MOB3B: variants seen among roughly 807,000 people sequenced by gnomAD.
MOB3B encodes the protein MOB kinase activator-like 2B.
In MOB3B, 7 loss-of-function variants were observed where a neutral mutation model predicts 18.7. That is an observed-to-expected ratio of 0.37 (90% CI 0.21 to 0.70). The LOEUF is 0.70. Ranked by LOEUF, MOB3B falls within the 30% of genes least tolerant of loss-of-function variation. The probability of loss-of-function intolerance (pLI) is 0.52; values close to 1 mark genes in which losing one functional copy is unlikely to be tolerated. For missense variants in MOB3B, 253 were observed against 281.3 expected, an observed-to-expected ratio of 0.90 and a Z score of 0.72; for synonymous variants, 111 against 99.9, an observed-to-expected ratio of 1.11 and a Z score of -0.66.
At chr9:27,342,013 T>G (rs574708509) in intron 3 of MOB3B, among the ~76,000 whole-genome samples, 33 of 152,230 alleles carry the variant, frequency 2.2e-4, no homozygotes, top group Non-Finnish European at 3.8e-4. Flanking sequence ...CATATGATTA[T>G]TTTATGAAAT....
intron 2 of MOB3B, among the ~76,000 whole-genome samples, chr9:27,375,849 A>G (rs569186264): frequency 1.1e-4 from 16 of 152,262 alleles, no homozygotes; most frequent in Admixed American, 5.9e-4. Context: ...CTCTGAAAAA[A>G]CTTCTAATCT....
At chr9:27,457,473 G>A (rs1158882467) in intron 1 of MOB3B, among the ~76,000 whole-genome samples, 2 of 152,148 alleles carry the variant, frequency 1.3e-5, no homozygotes, top group African/African-American at 4.8e-5. Context: ...AGGGCTTGAT[G>A]GTACTTTCAA....
intron 1 of MOB3B, among the ~76,000 whole-genome samples, chr9:27,494,117 G>A (rs897565963): frequency 6.6e-6 from 1 of 152,156 alleles, no homozygotes; most frequent in Non-Finnish European, 1.5e-5. Flanking sequence ...GTGCTCCCAG[G>A]CTTATTAGGA....
Position 27,413,328 on chromosome 9 carries a change from T to C in MOB3B, c.418+41805A>G, listed in dbSNP as rs76997217. Among the ~76,000 whole-genome samples the C allele has an allele frequency of 7.1e-3, 1,020 of 143,334 alleles. 40 individuals carry two copies. The East Asian group carries it at 0.13, about 18-fold the overall frequency. The allele number at this position is 143,334 out of a possible 152,430, so 94.0% of individuals were successfully genotyped here. ...TTCATTCTCGTTACTGAAATGGGAC[T>C]TTTTTTTTTTGTGGAGCTTAAAGTG... is the stretch of plus-strand genomic sequence containing the variant. On this transcript the variant is annotated intron_variant, in intron 2 of 3. Coordinates refer to ENST00000262244, the MANE Select transcript of MOB3B (RefSeq NM_024761.5).
intron 3 of MOB3B, among the ~76,000 whole-genome samples, chr9:27,350,211 TAGAA>T (rs1251813207): frequency 7.2e-5 from 8 of 111,746 alleles, no homozygotes; most frequent in South Asian, 2.8e-4. Context: ...ACAGAAAACT[TAGAA>T]AGCCCCAAAA....
chr9:27,455,884 C>T, intron 1 of MOB3B, 136 bp from the exon 2 acceptor site: 1 of 808,064 alleles, frequency 1.2e-6, no homozygotes, highest in Non-Finnish European at 1.7e-6. Context: ...GGGGGTTAAG[C>T]CACTGCCCTG....
chr9:27,403,239 G>A (rs1356968735), intron 2 of MOB3B, among the ~76,000 whole-genome samples: 1 of 152,194 alleles, frequency 6.6e-6, no homozygotes, highest in African/African-American at 2.4e-5. Flanking sequence ...GTAATGGCCA[G>A]TTTATATCTC....
At chr9:27,441,580 G>T (rs893783081) in intron 2 of MOB3B, among the ~76,000 whole-genome samples, 3 of 152,160 alleles carry the variant, frequency 2.0e-5, no homozygotes, top group African/African-American at 7.2e-5. Context: ...CTTGTCCCAG[G>T]TAGGACAGAG....
chr9:27,413,412 G>C (rs1822102587), intron 2 of MOB3B, among the ~76,000 whole-genome samples: 1 of 152,000 alleles, frequency 6.6e-6, no homozygotes, highest in South Asian at 2.1e-4. Context: ...TTTTATCAAA[G>C]AACAAAGGGA....
At chr9:27,331,105 A>G (rs1228934608) in intron 3 of MOB3B, among the ~76,000 whole-genome samples, 1 of 152,234 alleles carries the variant, frequency 6.6e-6, no homozygotes, top group Non-Finnish European at 1.5e-5. Context: ...ATAAGTGGGT[A>G]TAAGTCAAGA....
intron 3 of MOB3B, among the ~76,000 whole-genome samples, chr9:27,331,858 GT>G (rs1820795254): frequency 6.6e-6 from 1 of 152,206 alleles, no homozygotes; most frequent in Non-Finnish European, 1.5e-5. Context: ...GAGTGCCAAG[GT>G]GTTCAGAGAA....
At chr9:27,362,032 T>C (rs1249293560) in intron 2 of MOB3B, among the ~76,000 whole-genome samples, 1 of 152,204 alleles carries the variant, frequency 6.6e-6, no homozygotes, top group African/African-American at 2.4e-5. Context: ...ACACTGCGGA[T>C]GCTCATGGCA....
intron 2 of MOB3B, among the ~76,000 whole-genome samples, chr9:27,451,530 G>A (rs1822783344): frequency 6.6e-6 from 1 of 152,122 alleles, no homozygotes; most frequent in African/African-American, 2.4e-5. Context: ...ATGTTTCAAT[G>A]GTAGAGATCA....
At chr9:27,396,817 G>A (rs1422488518) in intron 2 of MOB3B, 1 of 152,056 alleles carries the variant, frequency 6.6e-6, no homozygotes, top group Non-Finnish European at 1.5e-5. Context: ...AGCATCCTAG[G>A]TGCCCTAAGA....
chr9:27,367,558 T>C (rs1821357310), intron 2 of MOB3B, among the ~76,000 whole-genome samples: 1 of 152,116 alleles, frequency 6.6e-6, no homozygotes, highest in East Asian at 1.9e-4. Flanking sequence ...GCCTCTGTTT[T>C]CTTGTCTGAG....
chr9:27,419,060 C>CA (rs567613310), intron 2 of MOB3B, among the ~76,000 whole-genome samples: 36,780 of 123,712 alleles, frequency 0.3, 6,324 homozygotes, highest in East Asian at 0.57. Context: ...ACGATAGCTG[C>CA]AAAAAAAAAA....
At chr9:27,384,033 C>A (rs1821616076) in intron 2 of MOB3B, among the ~76,000 whole-genome samples, 1 of 152,114 alleles carries the variant, frequency 6.6e-6, no homozygotes, top group African/African-American at 2.4e-5. Context: ...GTAAAGAAAC[C>A]TGCTTATTTT....
chr9:27,515,904 A>G (rs1416344181), intron 1 of MOB3B, among the ~76,000 whole-genome samples: 1 of 152,230 alleles, frequency 6.6e-6, no homozygotes, highest in Non-Finnish European at 1.5e-5. Flanking sequence ...GAAACAAAAG[A>G]CTTTGCAAAT....
At chr9:27,448,925 G>A (rs553702778) in intron 2 of MOB3B, among the ~76,000 whole-genome samples, 125 of 152,272 alleles carry the variant, frequency 8.2e-4, no homozygotes, top group African/African-American at 2.9e-3. Flanking sequence ...CTTGCCCAAC[G>A]TTATTTTAAT....
Sources: allele counts gnomAD v4.1 joint callset (sites outside exome capture counted in the v4.1 genomes callset), GRCh38; gene constraint gnomAD v4.1.1; transcripts MANE v1.5; gene names NCBI Gene and HGNC (gene_info 2026-07-23, HGNC 2026-07-21).